ZBTB16: variants seen among roughly 807,000 people sequenced by gnomAD.
ZBTB16 encodes zinc finger and BTB domain-containing protein 16.
In ZBTB16, 8 loss-of-function variants were observed where a neutral mutation model predicts 56.8. The ratio of observed to expected loss-of-function variants is 0.14; its 90% CI spans 0.08 to 0.25. The LOEUF (loss-of-function observed/expected upper bound fraction) is 0.25. Ranked by LOEUF, ZBTB16 falls within the 10% of genes least tolerant of loss-of-function variation. ZBTB16 has a pLI of 1.00. For missense variants in ZBTB16, 625 were observed against 903.0 expected, an observed-to-expected ratio of 0.69 and a Z score of 3.95; for synonymous variants, 363 against 368.5, an observed-to-expected ratio of 0.98 and a Z score of 0.17.
chr11:114,166,349 T>G (rs1942757324), intron 3 of ZBTB16, among the ~76,000 whole-genome samples: 1 of 151,812 alleles, frequency 6.6e-6, no homozygotes. Flanking sequence ...ATGAGGTTGG[T>G]GAAGATTGCA....
At chr11:114,080,823 G>A (rs1939731531) in intron 2 of ZBTB16, among the ~76,000 whole-genome samples, 1 of 152,218 alleles carries the variant, frequency 6.6e-6, no homozygotes, top group African/African-American at 2.4e-5. Context: ...TCGGAAGGTT[G>A]AGGAATAGCA....
intron 3 of ZBTB16, among the ~76,000 whole-genome samples, chr11:114,167,220 T>TA (rs1942784793): frequency 1.4e-5 from 1 of 73,706 alleles, no homozygotes; most frequent in Non-Finnish European, 2.3e-5. Context: ...TTTGTGGTTT[T>TA]TTTTTTTTTT....
At chr11:114,164,072 A>G (rs887917959) in intron 3 of ZBTB16, among the ~76,000 whole-genome samples, 3 of 152,238 alleles carry the variant, frequency 2.0e-5, no homozygotes, top group African/African-American at 7.2e-5. Context: ...ATGGAGGACG[A>G]TTGCGGCAGT....
Position 114,252,887 on chromosome 11 carries a change from G to A in ZBTB16, c.*2332G>A, listed in dbSNP as rs1184259900. On this transcript the variant is annotated 3_prime_UTR_variant, in exon 7 of 7. Coordinates refer to ENST00000335953, the MANE Select transcript of ZBTB16 (RefSeq NM_006006.6). ...GGAGGATGTGAATTGGGAGGACGGT[G>A]TCACTAGACTGTGGATTAGGGATGG... Among the ~76,000 whole-genome samples, 13 of 152,192 alleles carry A rather than the reference G, an allele frequency of 8.5e-5. No homozygotes were observed. The highest frequency in any genetic ancestry group is 8.5e-4 in the Admixed American group (13 of 15,280).
chr11:114,077,251 G>A (rs779067811), intron 2 of ZBTB16, among the ~76,000 whole-genome samples: 4 of 152,200 alleles, frequency 2.6e-5, no homozygotes, highest in East Asian at 1.9e-4. Flanking sequence ...GTGAGAAGCC[G>A]CTTGCTATGT....
intron 2 of ZBTB16, among the ~76,000 whole-genome samples, chr11:114,151,323 G>A (rs1341836864): frequency 2.0e-5 from 3 of 152,224 alleles, no homozygotes; most frequent in Non-Finnish European, 2.9e-5. Context: ...CTGCATTGAT[G>A]TGGTCTGAGT....
intron 2 of ZBTB16, among the ~76,000 whole-genome samples, chr11:114,085,957 T>C (rs1939943862): frequency 1.3e-5 from 2 of 152,180 alleles, no homozygotes; most frequent in Admixed American, 6.5e-5. Flanking sequence ...ACCATGTGGC[T>C]GCTCAGAATG....
chr11:114,113,468 G>A (rs1215457138), intron 2 of ZBTB16, among the ~76,000 whole-genome samples: 1 of 152,178 alleles, frequency 6.6e-6, no homozygotes, highest in Non-Finnish European at 1.5e-5. Flanking sequence ...TGATTTCAGA[G>A]TATTCTCAAT....
At chr11:114,231,956 T>C (rs1191162801) in intron 4 of ZBTB16, among the ~76,000 whole-genome samples, 2 of 152,038 alleles carry the variant, frequency 1.3e-5, no homozygotes, top group African/African-American at 4.8e-5. Context: ...CACCCAGGAG[T>C]GCACAGCGAG....
chr11:114,101,119 A>G (rs1459065103), intron 2 of ZBTB16, among the ~76,000 whole-genome samples: 2 of 152,030 alleles, frequency 1.3e-5, no homozygotes, highest in African/African-American at 2.4e-5. Context: ...ATTCTCCCAC[A>G]TTAGCCTCCC....
intron 2 of ZBTB16, among the ~76,000 whole-genome samples, chr11:114,154,194 A>T (rs1198614815): frequency 6.6e-6 from 1 of 152,210 alleles, no homozygotes; most frequent in East Asian, 1.9e-4. Flanking sequence ...GTGGCTCCCA[A>T]ATCTGAAGAC....
At chr11:114,200,747 A>G (rs1943720547) in intron 4 of ZBTB16, among the ~76,000 whole-genome samples, 1 of 152,094 alleles carries the variant, frequency 6.6e-6, no homozygotes, top group Non-Finnish European at 1.5e-5. Flanking sequence ...CCTCGTGCCC[A>G]TGCTCAGCCC....
At chr11:114,139,531 A>G (rs1236738992) in intron 2 of ZBTB16, among the ~76,000 whole-genome samples, 1 of 151,826 alleles carries the variant, frequency 6.6e-6, no homozygotes, top group South Asian at 2.1e-4. Flanking sequence ...TTAAACAAAT[A>G]TCTCTAAGAG....
chr11:114,225,977 T>C (rs1056227063), intron 4 of ZBTB16, among the ~76,000 whole-genome samples: 2 of 152,180 alleles, frequency 1.3e-5, no homozygotes, highest in Non-Finnish European at 2.9e-5. Context: ...GATTTGCATA[T>C]GATTATGTAG....
chr11:114,173,456 A>C (rs1428079402), intron 3 of ZBTB16, among the ~76,000 whole-genome samples: 2 of 152,200 alleles, frequency 1.3e-5, no homozygotes, highest in Non-Finnish European at 2.9e-5. Flanking sequence ...GCTGTCACCA[A>C]GAGTGGAATC....
At chr11:114,149,242 A>G (rs532572396) in intron 2 of ZBTB16, among the ~76,000 whole-genome samples, 4 of 152,308 alleles carry the variant, frequency 2.6e-5, no homozygotes, top group African/African-American at 9.6e-5. Context: ...TTTAATGGAT[A>G]TCTGCAGAGC....
At position 114,146,712 on chromosome 11, in the gene ZBTB16, G is replaced by A. The variant is rs139250528; in HGVS notation, c.1269-9625G>A. On this transcript the variant is annotated intron_variant, in intron 2 of 6. Transcript: ENST00000335953. Reference sequence around the variant, plus strand: ...AATTAAAAAAAAATCAGCTGGGCATGGTGGCTCATGCCTGTAGTCTCAGCT... The same window carrying A: ...AATTAAAAAAAAATCAGCTGGGCATAGTGGCTCATGCCTGTAGTCTCAGCT... Among the ~76,000 whole-genome samples the A allele has an allele frequency of 2.8e-3, 425 of 152,114 alleles. 1 individual carries two copies. The highest frequency in any genetic ancestry group is 9.4e-3 in the African/African-American group (389 of 41,488).
chr11:114,075,629 G>GTGTATATATA (rs142761461), intron 2 of ZBTB16, among the ~76,000 whole-genome samples: 2 of 141,098 alleles, frequency 1.4e-5, no homozygotes, highest in African/African-American at 5.8e-5. Flanking sequence ...GCTAATTTTT[G>GTGTATATATA]TATATATATA....
intron 2 of ZBTB16, among the ~76,000 whole-genome samples, chr11:114,105,193 C>T (rs990194735): frequency 4.0e-5 from 6 of 151,878 alleles, no homozygotes; most frequent in Non-Finnish European, 7.4e-5. Context: ...GTGAGTGGAG[C>T]CTGGCTCGAC....
Sources: allele counts gnomAD v4.1 joint callset (sites outside exome capture counted in the v4.1 genomes callset), GRCh38; gene constraint gnomAD v4.1.1; transcripts MANE v1.5; gene names NCBI Gene and HGNC (gene_info 2026-07-23, HGNC 2026-07-21).